The following FARP2 variants were observed in gnomAD, a reference collection of about 807,000 sequenced individuals.
The protein encoded by FARP2 is FERM, ARHGEF and pleckstrin domain-containing protein 2.
FARP2 carries 111 observed loss-of-function variants against 130.5 expected under a neutral mutation model. That is an observed-to-expected ratio of 0.85 (90% CI 0.73 to 1.00). The LOEUF (loss-of-function observed/expected upper bound fraction) is 1.00. FARP2 is among the 50% of genes least tolerant of loss of function. FARP2 has a pLI of 0.00. For synonymous variants in FARP2, 504 were observed against 516.9 expected (o/e 0.98, Z 0.34); for missense variants, 1,385 against 1,346.3 (o/e 1.03, Z -0.45).
intron 13 of FARP2, among the ~76,000 whole-genome samples, chr2:241,452,370 T>TA (rs1409843680): frequency 6.6e-6 from 1 of 152,136 alleles, no homozygotes; most frequent in East Asian, 1.9e-4. Flanking sequence ...TAAATAAAGT[T>TA]ACACATTCAT....
intron 21 of FARP2, among the ~76,000 whole-genome samples, chr2:241,487,585 T>G (rs1345609535): frequency 9.7e-6 from 1 of 102,578 alleles, no homozygotes; most frequent in African/African-American, 3.1e-5. Context: ...AAGAATCACT[T>G]GAACCTGGGA....
intron 19 of FARP2, among the ~76,000 whole-genome samples, chr2:241,480,774 A>G (rs1461614264): frequency 6.6e-6 from 1 of 152,088 alleles, no homozygotes; most frequent in East Asian, 1.9e-4. Flanking sequence ...TAATAGTTTT[A>G]TGTTTTACCT....
At chr2:241,400,644 G>A (rs896331029) in intron 2 of FARP2, among the ~76,000 whole-genome samples, 1 of 152,182 alleles carries the variant, frequency 6.6e-6, no homozygotes, top group Non-Finnish European at 1.5e-5. Context: ...AATAGCCTGG[G>A]CATGTCATTA....
At chr2:241,408,172 A>G (rs565856990) in intron 5 of FARP2, among the ~76,000 whole-genome samples, 23 of 152,310 alleles carry the variant, frequency 1.5e-4, no homozygotes, top group African/African-American at 5.5e-4. Flanking sequence ...GATCGAGACC[A>G]TCCTGGCTAA....
chr2:241,387,867 A>G (rs964305560), intron 2 of FARP2, among the ~76,000 whole-genome samples: 4 of 152,126 alleles, frequency 2.6e-5, no homozygotes, highest in African/African-American at 9.7e-5. Flanking sequence ...GATTCAATTT[A>G]ACAAAAGAAC....
chr2:241,402,566 C>A (rs1375750746), intron 2 of FARP2, among the ~76,000 whole-genome samples: 1 of 151,792 alleles, frequency 6.6e-6, no homozygotes, highest in African/African-American at 2.4e-5. Context: ...AAGACTTTAC[C>A]TTTCCCAAGA....
chr2:241,451,755 C>CT (rs1029292913), intron 13 of FARP2, among the ~76,000 whole-genome samples: 57 of 151,382 alleles, frequency 3.8e-4, no homozygotes, highest in African/African-American at 1.3e-3. Flanking sequence ...ACTTCTCTGC[C>CT]TTTTTTTTTC....
At chr2:241,402,859 TATATATATATATATATA>T (rs1175774827) in intron 2 of FARP2, among the ~76,000 whole-genome samples, 2 of 15,484 alleles carry the variant, frequency 1.3e-4, no homozygotes, top group African/African-American at 5.1e-4. Context: ...TATATATATA[TATATATATATATATATA>T]TATATTTTTT....
At chr2:241,435,091 T>A in intron 11 of FARP2, 61 bp downstream of exon 11, 1 of 848,496 alleles carries the variant, frequency 1.2e-6, no homozygotes, top group Non-Finnish European at 1.9e-6. Flanking sequence ...TAAATATATA[T>A]ATGGAGAGAG....
At chr2:241,445,252 A>AG (rs980090486) in intron 13 of FARP2, 2 of 151,924 alleles carry the variant, frequency 1.3e-5, no homozygotes, top group African/African-American at 4.8e-5. Context: ...CTCAAAAAAA[A>AG]AAAAAAAAAA....
chr2:241,358,010 C>A (rs749270290), intron 1 of FARP2, among the ~76,000 whole-genome samples: 4 of 152,002 alleles, frequency 2.6e-5, no homozygotes, highest in African/African-American at 9.7e-5. Flanking sequence ...CTCAACAGGG[C>A]GAAACCCCAT....
intron 24 of FARP2, among the ~76,000 whole-genome samples, chr2:241,492,061 G>C (rs1434459732): frequency 6.6e-6 from 1 of 152,224 alleles, no homozygotes; most frequent in Non-Finnish European, 1.5e-5. Context: ...TGCCATAGAA[G>C]GTTGTCAGCT....
Position 241,493,307 on chromosome 2 carries a change from G to A in FARP2, c.2910G>A (p.Leu970=), listed in dbSNP as rs756404739. 3.7e-6 allele frequency: 6 copies of A among 1,613,846 alleles called. No individual in the cohort carries two copies. Among genetic ancestry groups the A allele is most frequent in the Admixed American group, 1.7e-5 (1 of 60,004 alleles). Residue 970 remains leucine, a synonymous_variant, in exon 26 of 27, where the codon CTG becomes CTA. Transcript: ENST00000264042. ...CTGTCTTGCAGGATGACTACCCACT[G>A]GCCAGCCTCCCGCTGCTGGGCTACA... The part of the protein sequence containing the change: ...FYKTHQDDYP[L]ASLPLLGYSV...
Position 241,475,053 on chromosome 2 carries a change from T to C in FARP2, c.2132-804T>C, listed in dbSNP as rs1174410888. Among the ~76,000 whole-genome samples, 1 of 152,232 alleles carries C rather than the reference T, an allele frequency of 6.6e-6. No individual in the cohort carries two copies. Among genetic ancestry groups the C allele is most frequent in the Non-Finnish European group, 1.5e-5 (1 of 68,032 alleles). On this transcript the variant is annotated intron_variant, in intron 18 of 26. Transcript: ENST00000264042. This position sits in a 1 kb window ranked among gnomAD's most constrained non-coding sequence, Gnocchi z 4.4. ...AACTTTCTCTTATCTTTGCTTGAAC[T>C]ATAAGATTAGCATCTGTTCCTGGTT...
At chr2:241,460,231 G>C (rs2063978645) in intron 14 of FARP2, among the ~76,000 whole-genome samples, 1 of 152,150 alleles carries the variant, frequency 6.6e-6, no homozygotes, top group African/African-American at 2.4e-5. Context: ...CTGGGGACGG[G>C]ACCAGCTCTG....
chr2:241,377,194 G>A lies in FARP2; in HGVS notation c.183+3904G>A, dbSNP rs533511327. Among the ~76,000 whole-genome samples, 191 of 152,258 alleles carry A rather than the reference G, an allele frequency of 1.3e-3. 3 individuals carry two copies. In the South Asian group the frequency reaches 0.02, roughly 16 times the overall value. ...GATGTGCTGATATTAAACTTGAAAA[G>A]CACTAGCTTCTTCTGTATTCTCATG... On this transcript the variant is annotated intron_variant, in intron 2 of 26. Coordinates refer to ENST00000264042, the MANE Select transcript of FARP2 (RefSeq NM_014808.4).
At chr2:241,492,359 C>A (rs2064950907) in intron 24 of FARP2, among the ~76,000 whole-genome samples, 1 of 152,182 alleles carries the variant, frequency 6.6e-6, no homozygotes, top group Admixed American at 6.5e-5. Flanking sequence ...CAGTCCAGGA[C>A]ACCTGAGATC....
At chr2:241,372,139 C>T (rs2061437877) in intron 1 of FARP2, among the ~76,000 whole-genome samples, 1 of 152,100 alleles carries the variant, frequency 6.6e-6, no homozygotes. Context: ...TTTCCCTTGG[C>T]ACAAAAGGAG....
At position 241,455,052 on chromosome 2, in the gene FARP2, G is replaced by A. The variant is rs532819568; in HGVS notation, c.1412-1695G>A. Among the ~76,000 whole-genome samples, 8 of 152,342 alleles carry A rather than the reference G, an allele frequency of 5.3e-5. No individual in the cohort carries two copies. The South Asian group carries it at 1.7e-3, about 32-fold the overall frequency. On this transcript the variant is annotated intron_variant, in intron 13 of 26. Transcript: ENST00000264042. ...AACCCAGCAAACAGGGAATCATGATGTCAGCTGCTCTCAAGAAGCTGCTCT... is the reference window on the plus strand; with the variant it reads ...AACCCAGCAAACAGGGAATCATGATATCAGCTGCTCTCAAGAAGCTGCTCT...
Sources: allele counts gnomAD v4.1 joint callset (sites outside exome capture counted in the v4.1 genomes callset), GRCh38; gene constraint gnomAD v4.1.1; non-coding constraint Gnocchi (gnomAD v3.1); transcripts MANE v1.5; gene names NCBI Gene and HGNC (gene_info 2026-07-23, HGNC 2026-07-21).